Variants in PRKN observed in about 807,000 individuals in gnomAD.
The protein encoded by PRKN is parkin RBR E3 ubiquitin protein ligase.
A neutral mutation model predicts 59.5 loss-of-function variants in PRKN; 56 were observed. The ratio of observed to expected loss-of-function variants is 0.94; its 90% CI spans 0.76 to 1.18. The LOEUF (loss-of-function observed/expected upper bound fraction) is 1.18, where lower values mean the gene tolerates loss of function less well. Ranked by LOEUF, PRKN falls within the 50% of genes most tolerant of loss-of-function variation. The pLI is 0.00. For missense variants in PRKN, 657 were observed against 596.4 expected, an observed-to-expected ratio of 1.10 and a Z score of -1.06; for synonymous variants, 250 against 222.1, an observed-to-expected ratio of 1.13 and a Z score of -1.12.
chr6:161,827,443 T>TA (rs1447894222), intron 6 of PRKN, among the ~76,000 whole-genome samples: 2 of 151,848 alleles, frequency 1.3e-5, no homozygotes, highest in East Asian at 3.9e-4. Flanking sequence ...ATTGAATTTT[T>TA]AAAAAATATA....
In PRKN at chr6:161,711,312, T is replaced by C. The variant is rs73783350; in HGVS notation, c.871+74460A>G. 7.4e-3 allele frequency among the ~76,000 whole-genome samples: 1,120 copies of C among 152,294 alleles called. 27 individuals carry two copies. Among genetic ancestry groups the C allele is most frequent in the South Asian group, 0.045 (219 of 4,828 alleles). ...GATGGTAATGCAAATGGAGGAAGCA[T>C]TGTTACTACAGTAAAAATACACACT... On this transcript the variant is annotated intron_variant, in intron 7 of 11. Transcript: ENST00000366898.
At chr6:162,054,832 C>T (rs542257797) in intron 4 of PRKN, among the ~76,000 whole-genome samples, 24 of 152,318 alleles carry the variant, frequency 1.6e-4, no homozygotes, top group Admixed American at 8.5e-4. Context: ...AAAAGCATCA[C>T]AAGCATTCAA....
chr6:161,722,396 C>T (rs1787263266), intron 7 of PRKN, among the ~76,000 whole-genome samples: 1 of 152,098 alleles, frequency 6.6e-6, no homozygotes, highest in African/African-American at 2.4e-5. Context: ...ACAGAGTTCT[C>T]CTCCTAACAC....
intron 2 of PRKN, among the ~76,000 whole-genome samples, chr6:162,391,349 C>T (rs746166082): frequency 2.0e-5 from 3 of 151,486 alleles, no homozygotes; most frequent in Non-Finnish European, 2.9e-5. Flanking sequence ...TCTGCAATGA[C>T]TTCCTCCTGG....
intron 6 of PRKN, among the ~76,000 whole-genome samples, chr6:161,882,881 T>G (rs1794990906): frequency 6.6e-6 from 1 of 151,914 alleles, no homozygotes; most frequent in South Asian, 2.1e-4. Context: ...GGCGGGTGCT[T>G]GTAATCCTAG....
At chr6:161,849,673 C>T (rs1166957883) in intron 6 of PRKN, among the ~76,000 whole-genome samples, 1 of 152,170 alleles carries the variant, frequency 6.6e-6, no homozygotes, top group Non-Finnish European at 1.5e-5. Flanking sequence ...AATAAAAACT[C>T]TTCAGTCGTC....
At chr6:161,639,630 G>C (rs1008312570) in intron 7 of PRKN, among the ~76,000 whole-genome samples, 1 of 152,140 alleles carries the variant, frequency 6.6e-6, no homozygotes, top group Non-Finnish European at 1.5e-5. Context: ...GCCCAGCCCC[G>C]ATCCAGCCCC....
intron 7 of PRKN, among the ~76,000 whole-genome samples, chr6:161,621,979 C>T (rs1244941041): frequency 6.6e-6 from 1 of 151,748 alleles, no homozygotes; most frequent in Non-Finnish European, 1.5e-5. Flanking sequence ...CTCTGTTTTT[C>T]TCCCCAGAGA....
At position 162,218,288 on chromosome 6, in the gene PRKN, G is replaced by A. The variant is rs143558447; in HGVS notation, c.413-17036C>T. The stretch of plus-strand genomic sequence containing the variant: ...GGCTCAGCAGGGGTGGAGAACTCCT[G>A]TGTGCAGCCTGTGTTCCTGCTGAGA... On this transcript the variant is annotated intron_variant, in intron 3 of 11. Coordinates refer to ENST00000366898, the MANE Select transcript of PRKN (RefSeq NM_004562.3). Among the ~76,000 whole-genome samples, 498 of 152,318 alleles carry A rather than the reference G, an allele frequency of 3.3e-3. 4 individuals are homozygous for A. Among genetic ancestry groups the A allele is most frequent in the African/African-American group, 0.011 (469 of 41,578 alleles).
intron 6 of PRKN, among the ~76,000 whole-genome samples, chr6:161,830,945 T>C (rs1384557274): frequency 6.6e-6 from 1 of 152,072 alleles, no homozygotes; most frequent in Non-Finnish European, 1.5e-5. Context: ...ATGACCCTGC[T>C]CCCCAACCAC....
intron 9 of PRKN, among the ~76,000 whole-genome samples, chr6:161,485,360 C>A (rs978712237): frequency 8.5e-5 from 13 of 152,154 alleles, no homozygotes; most frequent in Admixed American, 5.9e-4. Flanking sequence ...TGAAATAAAA[C>A]CTGTGTCCTG....
intron 6 of PRKN, among the ~76,000 whole-genome samples, chr6:161,907,895 T>C (rs970297130): frequency 6.6e-6 from 1 of 152,218 alleles, no homozygotes; most frequent in African/African-American, 2.4e-5. Context: ...CTGGCCAACA[T>C]GGTGAAACCC....
intron 6 of PRKN, among the ~76,000 whole-genome samples, chr6:161,848,775 A>G (rs562550031): frequency 1.3e-5 from 2 of 152,344 alleles, no homozygotes; most frequent in East Asian, 3.9e-4. Context: ...ACCATAGAGG[A>G]TATGTGAAAC....
At chr6:162,297,514 T>A (rs915913361) in intron 2 of PRKN, among the ~76,000 whole-genome samples, 1 of 152,094 alleles carries the variant, frequency 6.6e-6, no homozygotes, top group African/African-American at 2.4e-5. Flanking sequence ...AGATGTGACA[T>A]GAATGGACAG....
rs2115170491 is a variant in PRKN at position 161,463,239 on chromosome 6, T to G, written c.1084-76362A>C. Among the ~76,000 whole-genome samples the G allele has an allele frequency of 6.6e-6, 1 of 152,244 alleles. No individual in the cohort carries two copies. Among genetic ancestry groups the G allele is most frequent in the East Asian group, 1.9e-4 (1 of 5,174 alleles). ...CTGGAAGGTGACTGCCAGGTCAGCT[T>G]CACTGTCAGCTGGTGCCTCTCCTGA... On this transcript the variant is annotated intron_variant, in intron 9 of 11. Coordinates refer to ENST00000366898, the MANE Select transcript of PRKN (RefSeq NM_004562.3). This position sits in a 1 kb window ranked among gnomAD's most constrained non-coding sequence, Gnocchi z 4.8.
chr6:161,900,125 A>G (rs1338261786), intron 6 of PRKN, among the ~76,000 whole-genome samples: 1 of 152,024 alleles, frequency 6.6e-6, no homozygotes, highest in South Asian at 2.1e-4. Flanking sequence ...ATAATAAAAT[A>G]AAATAAAATA....
chr6:162,047,241 T>TG (rs1311089583), intron 5 of PRKN, among the ~76,000 whole-genome samples: 1 of 152,216 alleles, frequency 6.6e-6, no homozygotes, highest in Non-Finnish European at 1.5e-5. Flanking sequence ...TGAGTCCATT[T>TG]GTCCTTTACC....
At chr6:161,441,552 G>A (rs1789226434) in intron 9 of PRKN, among the ~76,000 whole-genome samples, 1 of 151,138 alleles carries the variant, frequency 6.6e-6, no homozygotes, top group South Asian at 2.1e-4. Flanking sequence ...GGCCAAGGCA[G>A]GAGAATCACT....
chr6:161,897,936 C>T (rs1023268636), intron 6 of PRKN, among the ~76,000 whole-genome samples: 5 of 107,790 alleles, frequency 4.6e-5, no homozygotes, highest in Non-Finnish European at 7.2e-5. Context: ...CACTGCACTC[C>T]AGCCTGGGTG....
Sources: allele counts gnomAD v4.1 joint callset (sites outside exome capture counted in the v4.1 genomes callset), GRCh38; gene constraint gnomAD v4.1.1; non-coding constraint Gnocchi (gnomAD v3.1); transcripts MANE v1.5; gene names NCBI Gene and HGNC (gene_info 2026-07-23, HGNC 2026-07-21).